The following JAZF1 variants were observed in gnomAD, a reference collection of about 807,000 sequenced individuals.
JAZF1 encodes the protein juxtaposed with another zinc finger protein 1.
JAZF1 carries 8 observed loss-of-function variants against 26.4 expected under a neutral mutation model. That is an observed-to-expected ratio of 0.30 (90% CI 0.18 to 0.55). The LOEUF is 0.55. JAZF1 is among the 20% of genes least tolerant of loss of function. JAZF1 has a pLI of 0.94. For missense variants in JAZF1, 199 were observed against 322.0 expected (o/e 0.62, Z 2.92); for synonymous variants, 126 against 122.3 (o/e 1.03, Z -0.20).
chr7:28,010,370 G>C, intron 1 of JAZF1, among the ~76,000 whole-genome samples: 1 of 152,178 alleles, frequency 6.6e-6, no homozygotes. Context: ...TCTGTTCACA[G>C]CATCACCTCC....
chr7:28,145,127 AG>A (rs1783007444), intron 1 of JAZF1, among the ~76,000 whole-genome samples: 2 of 152,210 alleles, frequency 1.3e-5, no homozygotes, highest in Non-Finnish European at 2.9e-5. Flanking sequence ...AGCATGATTT[AG>A]GCTGATAGAA....
intron 1 of JAZF1, among the ~76,000 whole-genome samples, chr7:28,065,242 C>G (rs1233588191): frequency 2.0e-5 from 3 of 152,096 alleles, no homozygotes; most frequent in Non-Finnish European, 2.9e-5. Flanking sequence ...GACTTGGGTC[C>G]AGGAGACATA....
chr7:28,002,189 T>C (rs1305404279), intron 1 of JAZF1, among the ~76,000 whole-genome samples: 2 of 152,226 alleles, frequency 1.3e-5, no homozygotes, highest in Non-Finnish European at 2.9e-5. Context: ...TTGCTTATCA[T>C]ATAACTTGGC....
intron 1 of JAZF1, chr7:28,180,229 G>A (rs904122507): frequency 1.0e-4 from 1 of 9,660 alleles, no homozygotes; most frequent in African/African-American, 4.6e-4. Context: ...CCAGCCGCCC[G>A]CCCGCCCGCC....
intron 1 of JAZF1, among the ~76,000 whole-genome samples, chr7:27,998,216 C>T (rs1786062582): frequency 1.3e-5 from 2 of 152,176 alleles, no homozygotes; most frequent in African/African-American, 2.4e-5. Flanking sequence ...CTTATTGGGC[C>T]AGCATTTGGA....
intron 3 of JAZF1, among the ~76,000 whole-genome samples, chr7:27,849,201 C>T (rs577713761): frequency 9.2e-5 from 14 of 152,240 alleles, no homozygotes; most frequent in South Asian, 6.2e-4. Context: ...GAGAGGAAAA[C>T]GAACACAACG....
chr7:28,171,418 C>A (rs995178582), intron 1 of JAZF1, among the ~76,000 whole-genome samples: 1 of 152,066 alleles, frequency 6.6e-6, no homozygotes, highest in African/African-American at 2.4e-5. Context: ...TTTCACAGCC[C>A]AAAGTACTTC....
chr7:28,061,314 T>A (rs529718257), intron 1 of JAZF1, among the ~76,000 whole-genome samples: 1 of 152,370 alleles, frequency 6.6e-6, no homozygotes, highest in East Asian at 1.9e-4. Flanking sequence ...TATGATCACG[T>A]TATAAAATCA....
At chr7:27,934,538 T>C (rs1784734365) in intron 2 of JAZF1, among the ~76,000 whole-genome samples, 1 of 152,168 alleles carries the variant, frequency 6.6e-6, no homozygotes. Context: ...CAGATTGTTA[T>C]GATAAATGCA....
intron 2 of JAZF1, among the ~76,000 whole-genome samples, chr7:27,968,340 G>C (rs1785314494): frequency 6.6e-6 from 1 of 152,170 alleles, no homozygotes; most frequent in Non-Finnish European, 1.5e-5. Flanking sequence ...AGCAACTGGT[G>C]AAGTACTTGT....
Position 28,008,166 on chromosome 7 carries a change from T to A in JAZF1, c.116-16185A>T, listed in dbSNP as rs1200636062. Among the ~76,000 whole-genome samples the A allele has an allele frequency of 5.3e-5, 8 of 152,274 alleles. No individual in the cohort carries two copies. The East Asian group carries it at 1.3e-3, about 26-fold the overall frequency. On this transcript the variant is annotated intron_variant, in intron 1 of 4. Coordinates refer to ENST00000283928, the MANE Select transcript of JAZF1 (RefSeq NM_175061.4). ...AAAAGATAATGATATATGCACCAAC[T>A]CCCTCACAAGCTTTAAGTGAGAATC... is the stretch of plus-strand genomic sequence containing the variant.
chr7:27,912,970 A>G lies in JAZF1; in HGVS notation c.189-17554T>C, dbSNP rs188999070. ...AGCTGACTCTGGCCTCATTTACGCA[A>G]TTAACCACACATTCTCTGTGTCCGT... On this transcript the variant is annotated intron_variant, in intron 2 of 4. Transcript: ENST00000283928. Among the ~76,000 whole-genome samples, 99 of 152,256 alleles carry G rather than the reference A, an allele frequency of 6.5e-4. 1 individual carries two copies. In the South Asian group the frequency reaches 7.5e-3, roughly 11 times the overall value.
intron 1 of JAZF1, among the ~76,000 whole-genome samples, chr7:28,157,521 G>A (rs1340867623): frequency 6.6e-6 from 1 of 152,174 alleles, no homozygotes; most frequent in East Asian, 1.9e-4. Flanking sequence ...ATTTAAAAAT[G>A]TAAAAGCTAT....
chr7:28,094,551 C>G (rs1784352753), intron 1 of JAZF1, among the ~76,000 whole-genome samples: 1 of 152,184 alleles, frequency 6.6e-6, no homozygotes, highest in Non-Finnish European at 1.5e-5. Context: ...ACATTAATAA[C>G]TTCTGTCTCC....
chr7:27,990,084 C>A (rs1383951197), intron 2 of JAZF1, among the ~76,000 whole-genome samples: 1 of 152,176 alleles, frequency 6.6e-6, no homozygotes, highest in Non-Finnish European at 1.5e-5. Context: ...CACATATACA[C>A]CATGGAATAC....
chr7:28,033,507 A>T (rs1192960068), intron 1 of JAZF1, among the ~76,000 whole-genome samples: 1 of 152,176 alleles, frequency 6.6e-6, no homozygotes, highest in East Asian at 1.9e-4. Flanking sequence ...TGGAAGAGAG[A>T]GGACGTACCG....
chr7:28,032,195 T>C (rs1274805320), intron 1 of JAZF1, among the ~76,000 whole-genome samples: 1 of 152,228 alleles, frequency 6.6e-6, no homozygotes, highest in Non-Finnish European at 1.5e-5. Flanking sequence ...TCTTCCTTAC[T>C]TTCATGTTTA....
chr7:28,134,619 ATT>A (rs1782849611), intron 1 of JAZF1, among the ~76,000 whole-genome samples: 1 of 142,048 alleles, frequency 7.0e-6, no homozygotes, highest in African/African-American at 2.6e-5. Flanking sequence ...AGCCTCTATC[ATT>A]GTTTTAAATT....
At chr7:27,979,785 G>A (rs76117030) in intron 2 of JAZF1, among the ~76,000 whole-genome samples, 4,686 of 152,144 alleles carry the variant, frequency 0.031, 235 homozygotes, top group African/African-American at 0.1. Context: ...AATTTCCTGG[G>A]TGCTATGCCC....
Sources: allele counts gnomAD v4.1 joint callset (sites outside exome capture counted in the v4.1 genomes callset), GRCh38; gene constraint gnomAD v4.1.1; transcripts MANE v1.5; gene names NCBI Gene and HGNC (gene_info 2026-07-23, HGNC 2026-07-21).